Variants in C1orf56 observed in about 807,000 individuals in gnomAD.
C1orf56 encodes the protein chromosome 1 open reading frame 56, also known as protein MENT.
In C1orf56, 14 loss-of-function variants were observed where a neutral mutation model predicts 20.7. The observed-to-expected ratio is 0.68, with a 90% CI of 0.45 to 1.06. The LOEUF is 1.06. C1orf56 is among the 50% of genes least tolerant of loss of function. The pLI is 0.00. For missense variants in C1orf56, 424 were observed against 451.4 expected (o/e 0.94, Z 0.55); for synonymous variants, 187 against 194.7 (o/e 0.96, Z 0.33).
rs1676107018 is a variant in C1orf56, at chr1:151,048,468, C to A, written c.621C>A (p.Gly207=). 1.2e-6 allele frequency: 2 copies of A among 1,608,472 alleles called. No individual in the cohort carries two copies. Among genetic ancestry groups the A allele is most frequent in the Non-Finnish European group, 1.7e-6 (2 of 1,179,930 alleles). Residue 207 remains glycine, a synonymous_variant, in exon 1 of 2, where the codon GGC becomes GGA. Transcript: ENST00000368926. This position sits in a 1 kb window ranked among gnomAD's most constrained non-coding sequence, Gnocchi z 4.8. The part of the protein sequence containing the change: ...EDLRLVLMPW[G]PWHCHCKSGT... ...TGCGGCTGGTGCTGATGCCCTGGGG[C>A]CCGTGGCACTGCCACTGCAAGTCGG...
Position 151,048,111 on chromosome 1 carries a change from C to T in C1orf56, c.264C>T (p.Ala88=). ...AGPAAAELLA[A]TVSTGFSRSS... is the part of the protein sequence containing the mutation. ...CAGCGGCTGCCGAGCTCTTGGCCGC[C>T]ACGGTGTCCACCGGCTTTAGCCGGT... The change falls in exon 1 of 2, where the codon GCC becomes GCT. Residue 88 remains alanine (A), a synonymous_variant. Coordinates refer to ENST00000368926, the MANE Select transcript of C1orf56 (RefSeq NM_017860.5). The surrounding 1 kb of genome is among the most constrained non-coding windows in gnomAD (Gnocchi z 4.8). The T allele has an allele frequency of 6.2e-7, 1 of 1,613,460 alleles. No individual in the cohort carries two copies. Among genetic ancestry groups the T allele is most frequent in the Non-Finnish European group, 8.5e-7 (1 of 1,180,022 alleles).
At chr1:151,049,551 CCT>C (rs1289854322) in intron 1 of C1orf56, 3 of 151,902 alleles carry the variant, frequency 2.0e-5, no homozygotes, top group Non-Finnish European at 4.4e-5. Flanking sequence ...CTACTGTGCC[CCT>C]GACCATAAGA....
Position 151,048,319 on chromosome 1 carries a change from C to A in C1orf56, c.472C>A (p.Pro158Thr). 1 of 1,614,166 alleles carries A rather than the reference C, an allele frequency of 6.2e-7. No individual in the cohort carries two copies. Among genetic ancestry groups the A allele is most frequent in the Non-Finnish European group, 8.5e-7 (1 of 1,180,032 alleles). The change falls in exon 1 of 2, where the codon CCC becomes ACC. Residue 158 changes from proline to threonine, a missense_variant. Transcript: ENST00000368926. The surrounding 1 kb of genome is among the most constrained non-coding windows in gnomAD (Gnocchi z 4.8). ...GCTGACTTCAAGCCTGCCGCGCTCC[C>A]CCGGGAGGTCTACTGAGGACCTGCC... is the stretch of plus-strand genomic sequence containing the variant. ...IRLTSSLPRS[P>T]GRSTEDLPGS...
At position 151,048,022 on chromosome 1, in the gene C1orf56, A is replaced by C; in HGVS notation, c.175A>C (p.Lys59Gln). The C allele has an allele frequency of 6.2e-7, 1 of 1,614,026 alleles. No homozygotes were observed. Among genetic ancestry groups the C allele is most frequent in the Non-Finnish European group, 8.5e-7 (1 of 1,179,982 alleles). Reference protein sequence around the residue: ...RSTARTGLPRKTRIILEDEND... With the variant: ...RSTARTGLPRQTRIILEDEND... ...CACCGCCCGGACTGGTCTTCCCCGG[A>C]AGACAAGGATAATCCTAGAGGACGA... is the stretch of plus-strand genomic sequence containing the variant. The change falls in exon 1 of 2, where the codon AAG becomes CAG. Residue 59 changes from lysine (K) to glutamine (Q), a missense_variant. Lys to Gln is a moderately conservative substitution (Grantham distance 53). Transcript: ENST00000368926. This position sits in a 1 kb window ranked among gnomAD's most constrained non-coding sequence, Gnocchi z 4.8.
chr1:151,048,571 C>CG lies in C1orf56; in HGVS notation c.725dup (p.Thr243HisfsTer29), dbSNP rs1293624178. ...TCGAGTTGGGGCGCTGAGCCAGCTC[C>CG]GCACGGAGCACAAGCCTTGCACCTA... On this transcript the variant is annotated frameshift_variant, in exon 1 of 2. Coordinates refer to ENST00000368926, the MANE Select transcript of C1orf56 (RefSeq NM_017860.5). LOFTEE classifies it high-confidence loss of function. The surrounding 1 kb of genome is among the most constrained non-coding windows in gnomAD (Gnocchi z 4.8). The CG allele has an allele frequency of 6.2e-7, 1 of 1,614,078 alleles. No homozygotes were observed. The highest frequency in any genetic ancestry group is 8.5e-7 in the Non-Finnish European group (1 of 1,180,064).
intron 1 of C1orf56, among the ~76,000 whole-genome samples, chr1:151,050,133 G>A (rs1352172145): frequency 6.6e-6 from 1 of 152,380 alleles, no homozygotes; most frequent in South Asian, 2.1e-4. Context: ...GACAAGGAAG[G>A]ATAGTCCTCT....
rs762853818 is a variant in C1orf56 at position 151,050,484 on chromosome 1, TGTCA to T, written c.*29_*32del. ...TGGCCACTTCATCCACATGAGGAGA[TGTCA>T]GTATCTCAACCTCTCTTGCCCTTTC... On this transcript the variant is annotated 3_prime_UTR_variant, in exon 2 of 2. Coordinates refer to ENST00000368926, the MANE Select transcript of C1orf56 (RefSeq NM_017860.5). The T allele has an allele frequency of 2.2e-5, 35 of 1,602,938 alleles. No individual in the cohort carries two copies. Among genetic ancestry groups the T allele is most frequent in the Non-Finnish European group, 2.8e-5 (33 of 1,174,812 alleles).
intron 1 of C1orf56, chr1:151,049,534 G>C (rs929118329): frequency 6.6e-6 from 1 of 151,170 alleles, no homozygotes; most frequent in Non-Finnish European, 1.5e-5. Context: ...GGGATTACAG[G>C]CATGAGCTAC....
Position 151,048,987 on chromosome 1 carries a change from T to G in C1orf56, c.1005+135T>G. 7.7e-7 allele frequency: 1 copy of G among 1,304,332 alleles called. No homozygotes were observed. Among genetic ancestry groups the G allele is most frequent in the Non-Finnish European group, 1.0e-6 (1 of 984,132 alleles). The allele number at this position is 1,304,332 out of a possible 1,614,324, so 80.8% of individuals were successfully genotyped here. A position where few individuals can be genotyped will look rare whatever the true frequency, so the allele number is the denominator to read the frequency against. ...CTTACCTGGTTATTGATTCATAACATGCATTGGTTATTCACATTGTTAGCC... is the reference window on the plus strand; with the variant it reads ...CTTACCTGGTTATTGATTCATAACAGGCATTGGTTATTCACATTGTTAGCC... On this transcript the variant is annotated intron_variant, in intron 1 of 1. Transcript: ENST00000368926. The surrounding 1 kb of genome is among the most constrained non-coding windows in gnomAD (Gnocchi z 4.8).
chr1:151,049,481 C>A (rs188323374), intron 1 of C1orf56: 2 of 152,040 alleles, frequency 1.3e-5, no homozygotes, highest in African/African-American at 4.8e-5. Flanking sequence ...GTCTTAAACT[C>A]CTGGGCTCAA....
rs1676172106 is a variant in C1orf56, at chr1:151,051,272, T to C, written c.*814T>C. ...TAGTATAACACTCAGGCTACTGAGGTATTTTAGAGCAACAAGCTGGGTTAC... is the reference window on the plus strand; with the variant it reads ...TAGTATAACACTCAGGCTACTGAGGCATTTTAGAGCAACAAGCTGGGTTAC... On this transcript the variant is annotated 3_prime_UTR_variant, in exon 2 of 2. Coordinates refer to ENST00000368926, the MANE Select transcript of C1orf56 (RefSeq NM_017860.5). The C allele has an allele frequency of 1.3e-5, 2 of 151,638 alleles. No individual in the cohort carries two copies. The highest frequency in any genetic ancestry group is 4.8e-5 in the African/African-American group (2 of 41,248). 9.4% of individuals were successfully genotyped at this position (151,638 alleles called of 1,614,324 possible). A position where few individuals can be genotyped will look rare whatever the true frequency, so the allele number is the denominator to read the frequency against.
chr1:151,048,991 T>C lies in C1orf56; in HGVS notation c.1005+139T>C, dbSNP rs760141630. The C allele has an allele frequency of 2.3e-6, 3 of 1,288,220 alleles. No homozygotes were observed. Among genetic ancestry groups the C allele is most frequent in the Non-Finnish European group, 3.1e-6 (3 of 973,288 alleles). 79.8% of individuals were successfully genotyped at this position (1,288,220 alleles called of 1,614,324 possible). A position where few individuals can be genotyped will look rare whatever the true frequency, so the allele number is the denominator to read the frequency against. On this transcript the variant is annotated intron_variant, in intron 1 of 1. Transcript: ENST00000368926. The surrounding 1 kb of genome is among the most constrained non-coding windows in gnomAD (Gnocchi z 4.8). Reference sequence around the variant, plus strand: ...CCTGGTTATTGATTCATAACATGCATTGGTTATTCACATTGTTAGCCATTG... The same window carrying C: ...CCTGGTTATTGATTCATAACATGCACTGGTTATTCACATTGTTAGCCATTG...
Position 151,050,568 on chromosome 1 carries a change from ATTGT to A in C1orf56, c.*114_*117del. The A allele has an allele frequency of 9.0e-7, 1 of 1,106,860 alleles. No homozygotes were observed. The highest frequency in any genetic ancestry group is 1.3e-6 in the Non-Finnish European group (1 of 762,038). The allele number at this position is 1,106,860 out of a possible 1,614,324, so 68.6% of individuals were successfully genotyped here. ...ACAGAAAAACAAAACTGGAAAACAC[ATTGT>A]TTGGTCTTGTGTTTCTTTACAGAGG... On this transcript the variant is annotated 3_prime_UTR_variant, in exon 2 of 2. Transcript: ENST00000368926.
Position 151,050,913 on chromosome 1 carries a change from C to T in C1orf56, c.*455C>T, listed in dbSNP as rs753297940. 7.7e-5 allele frequency: 12 copies of T among 156,844 alleles called. No individual in the cohort carries two copies. The highest frequency in any genetic ancestry group is 1.3e-4 in the Non-Finnish European group (9 of 71,336). 9.7% of individuals were successfully genotyped at this position (156,844 alleles called of 1,614,324 possible). A position where few individuals can be genotyped will look rare whatever the true frequency, so the allele number is the denominator to read the frequency against. Reference sequence around the variant, plus strand: ...TACAAAATTCCATCTCAGCCACTTTCGAGGAGTTATCTTCATTAGCTATAT... The same window carrying T: ...TACAAAATTCCATCTCAGCCACTTTTGAGGAGTTATCTTCATTAGCTATAT... On this transcript the variant is annotated 3_prime_UTR_variant, in exon 2 of 2. Transcript: ENST00000368926.
In C1orf56 at chr1:151,050,351, G is replaced by A. The variant is rs1358536293; in HGVS notation, c.1006-87G>A. 1.5e-5 allele frequency: 20 copies of A among 1,335,026 alleles called. No homozygotes were observed. The East Asian group carries it at 3.9e-4, about 26-fold the overall frequency. 82.7% of individuals were successfully genotyped at this position (1,335,026 alleles called of 1,614,324 possible). A position where few individuals can be genotyped will look rare whatever the true frequency, so the allele number is the denominator to read the frequency against. On this transcript the variant is annotated intron_variant, in intron 1 of 1. Coordinates refer to ENST00000368926, the MANE Select transcript of C1orf56 (RefSeq NM_017860.5). ...AGTAGGGTTGAGGGAATATGGGTTTGTGGGAGGGGGAGATGAAGCAAGGAA... is the reference window on the plus strand; with the variant it reads ...AGTAGGGTTGAGGGAATATGGGTTTATGGGAGGGGGAGATGAAGCAAGGAA...
rs981882864 is a variant in C1orf56 at position 151,051,218 on chromosome 1, C to T, written c.*760C>T. 32 of 151,564 alleles carry T rather than the reference C, an allele frequency of 2.1e-4. No individual in the cohort carries two copies. Among genetic ancestry groups the T allele is most frequent in the African/African-American group, 7.8e-4 (32 of 41,210 alleles). 9.4% of individuals were successfully genotyped at this position (151,564 alleles called of 1,614,324 possible). On this transcript the variant is annotated 3_prime_UTR_variant, in exon 2 of 2. Coordinates refer to ENST00000368926, the MANE Select transcript of C1orf56 (RefSeq NM_017860.5). ...GATTTCTAGGAGTCTCTAACCTTTC[C>T]ACCCTATCCTGTTAACCCTTTAGAT...
rs1378565368 is a variant in C1orf56, at chr1:151,048,760, C to T, written c.913C>T (p.Pro305Ser). 1.9e-6 allele frequency: 3 copies of T among 1,613,576 alleles called. No individual in the cohort carries two copies. The Admixed American group carries it at 5.0e-5, about 27-fold the overall frequency. ...CAGTCCCAGCCTGCCACCCGCCAGC[C>T]CCTGCCCAGCCCTGGCTTTTTGGAA... is the stretch of plus-strand genomic sequence containing the variant. Reference protein sequence around the residue: ...RSSPSLPPASPCPALAFWKRV... With the variant: ...RSSPSLPPASSCPALAFWKRV... Residue 305 changes from proline to serine, a missense_variant, in exon 1 of 2, where the codon CCC (proline) becomes TCC (serine). Coordinates refer to ENST00000368926, the MANE Select transcript of C1orf56 (RefSeq NM_017860.5). This position sits in a 1 kb window ranked among gnomAD's most constrained non-coding sequence, Gnocchi z 4.8.
In C1orf56 at chr1:151,050,444, A is replaced by G. The variant is rs1419722635; in HGVS notation, c.1012A>G (p.Arg338Gly). ...ATTTTTTTTTCTTACGCAGATAGACAGAAACCAGAGGTAATGGCCACTTCA... is the reference window on the plus strand; with the variant it reads ...ATTTTTTTTTCTTACGCAGATAGACGGAAACCAGAGGTAATGGCCACTTCA... ...SVFTEMQPID[R>G]NQR is the part of the protein sequence containing the mutation. Residue 338 changes from arginine (R) to glycine (G), a missense_variant, in exon 2 of 2, where the codon AGA becomes GGA. By Grantham distance (125) the Arg-to-Gly change is moderately radical. Coordinates refer to ENST00000368926, the MANE Select transcript of C1orf56 (RefSeq NM_017860.5). 1 of 1,610,544 alleles carries G rather than the reference A, an allele frequency of 6.2e-7. No individual in the cohort carries two copies.
rs1676108560 is a variant in C1orf56, at chr1:151,048,505, C to T, written c.658C>T (p.Arg220Trp). The change falls in exon 1 of 2, where the codon CGG becomes TGG. Residue 220 changes from arginine (R) to tryptophan (W), a missense_variant. Coordinates refer to ENST00000368926, the MANE Select transcript of C1orf56 (RefSeq NM_017860.5). The surrounding 1 kb of genome is among the most constrained non-coding windows in gnomAD (Gnocchi z 4.8). ...HCHCKSGTMSRSRSGKLHGLS... is the reference protein window; with the variant it reads ...HCHCKSGTMSWSRSGKLHGLS... ...CCACTGCAAGTCGGGCACCATGAGC[C>T]GGAGCCGGTCTGGGAAGCTGCACGG... The T allele has an allele frequency of 6.2e-7, 1 of 1,611,130 alleles. No homozygotes were observed. The highest frequency in any genetic ancestry group is 8.5e-7 in the Non-Finnish European group (1 of 1,179,976).
Sources: gnomAD v4.1 joint callset for allele counts (sites outside exome capture counted in the v4.1 genomes callset) on GRCh38, gnomAD v4.1.1 for gene constraint, Gnocchi (gnomAD v3.1) non-coding constraint, MANE v1.5 for transcripts, NCBI Gene and HGNC (gene_info 2026-07-23, HGNC 2026-07-21) for gene names.